The following RTTN variants were observed in gnomAD, a reference collection of about 807,000 sequenced individuals.
RTTN encodes rotatin.
In RTTN, 182 loss-of-function variants were observed where a neutral mutation model predicts 269.2. The observed-to-expected ratio is 0.68, with a 90% CI of 0.60 to 0.76. The LOEUF (loss-of-function observed/expected upper bound fraction) is 0.76. Ranked by LOEUF, RTTN falls within the 30% of genes least tolerant of loss-of-function variation. The pLI, the probability that RTTN is intolerant of heterozygous loss-of-function variation, is 0.00. For synonymous variants in RTTN, 1,006 were observed against 963.5 expected (o/e 1.04, Z -0.82); for missense variants, 2,545 against 2,608.6 (o/e 0.98, Z 0.53).
intron 19 of RTTN, 86 bp from the exon 20 acceptor site, chr18:70,140,274 A>G (rs2060223845): frequency 1.4e-6 from 1 of 724,614 alleles, no homozygotes; most frequent in Non-Finnish European, 2.4e-6. Flanking sequence ...ACTGATATCC[A>G]CACAACCTTC....
At chr18:70,139,042 T>C (rs2060193760) in intron 21 of RTTN, 2 of 149,732 alleles carry the variant, frequency 1.3e-5, no homozygotes, top group Admixed American at 6.7e-5. Context: ...CAAAACTACA[T>C]GAAACGTGTT....
Position 70,004,052 on chromosome 18 carries a change from G to A in RTTN, c.*99C>T, listed in dbSNP as rs2056104638. 2 of 820,042 alleles carry A rather than the reference G, an allele frequency of 2.4e-6. No homozygotes were observed. The highest frequency in any genetic ancestry group is 1.7e-5 in the African/African-American group (1 of 59,236). 50.8% of individuals were successfully genotyped at this position (820,042 alleles called of 1,614,324 possible). A position where few individuals can be genotyped will look rare whatever the true frequency, so the allele number is the denominator to read the frequency against. On this transcript the variant is annotated 3_prime_UTR_variant, in exon 49 of 49. Transcript: ENST00000640769. ...AAGGGGATCAACACTTTGTAGAGAG[G>A]TAGCACGTCTTCAGGTAACAGCTGC...
chr18:70,126,511 T>G (rs1237810335), intron 25 of RTTN, among the ~76,000 whole-genome samples: 4 of 152,130 alleles, frequency 2.6e-5, no homozygotes, highest in Non-Finnish European at 4.4e-5. Flanking sequence ...AGATGCACAG[T>G]GGTACTCCAT....
At position 70,092,225 on chromosome 18, in the gene RTTN, A is replaced by AG; in HGVS notation, c.4033-6dup. 6.7e-7 allele frequency: 1 copy of AG among 1,492,624 alleles called. No individual in the cohort carries two copies. The highest frequency in any genetic ancestry group is 9.3e-7 in the Non-Finnish European group (1 of 1,071,500). The allele number at this position is 1,492,624 out of a possible 1,614,324, so 92.5% of individuals were successfully genotyped here. On this transcript the variant is annotated splice_region_variant and splice_polypyrimidine_tract_variant and intron_variant, in intron 29 of 48. Coordinates refer to ENST00000640769, the MANE Select transcript of RTTN (RefSeq NM_173630.4). Reference sequence around the variant, plus strand: ...GAACCAAAGTGACATCCACTCCTAGAGGGAAAAAAGGGAAACAGAAATATT... The same window carrying AG: ...GAACCAAAGTGACATCCACTCCTAGAGGGGAAAAAAGGGAAACAGAAATATT...
intron 32 of RTTN, among the ~76,000 whole-genome samples, chr18:70,084,444 C>T (rs573003780): frequency 6.6e-6 from 1 of 152,072 alleles, no homozygotes; most frequent in South Asian, 2.1e-4. Flanking sequence ...TTCATGGTTG[C>T]AAAGGACCAT....
At chr18:70,099,885 G>A (rs2059111737) in intron 28 of RTTN, among the ~76,000 whole-genome samples, 1 of 152,126 alleles carries the variant, frequency 6.6e-6, no homozygotes, top group South Asian at 2.1e-4. Flanking sequence ...AAGATCAGAT[G>A]GTTGTAGATG....
At chr18:70,041,558 G>A (rs1482815839) in intron 40 of RTTN, among the ~76,000 whole-genome samples, 1 of 152,124 alleles carries the variant, frequency 6.6e-6, no homozygotes, top group Non-Finnish European at 1.5e-5. Context: ...ATCCCTGGAC[G>A]TGAGGATGAA....
At chr18:70,035,688 C>G (rs150922511) in intron 40 of RTTN, among the ~76,000 whole-genome samples, 2 of 152,214 alleles carry the variant, frequency 1.3e-5, no homozygotes, top group Admixed American at 1.3e-4. Context: ...GCAACTGCAA[C>G]AAAAGCAAAA....
chr18:70,051,307 G>C, intron 39 of RTTN, 104 bp downstream of exon 39: 1 of 1,307,342 alleles, frequency 7.6e-7, no homozygotes, highest in East Asian at 2.5e-5. Flanking sequence ...TATATGCCAT[G>C]CTATAATTAC....
At chr18:70,154,787 C>T (rs891557192) in intron 14 of RTTN, among the ~76,000 whole-genome samples, 3 of 152,126 alleles carry the variant, frequency 2.0e-5, no homozygotes, top group South Asian at 2.1e-4. Context: ...CTTGATTGAT[C>T]GCAAGGTTCA....
At chr18:70,118,894 AATAAAAACT>A (rs2059664271) in intron 26 of RTTN, among the ~76,000 whole-genome samples, 3 of 152,110 alleles carry the variant, frequency 2.0e-5, no homozygotes, top group Non-Finnish European at 4.4e-5. Context: ...ATCCTTTCAT[AATAAAAACT>A]CTCAATAAAT....
chr18:70,169,123 T>C (rs2061069214), intron 11 of RTTN, 56 bp from the exon 12 acceptor site: 1 of 1,289,968 alleles, frequency 7.8e-7, no homozygotes, highest in Admixed American at 2.6e-5. Context: ...AAACTTATTT[T>C]AGAGAAACAT....
chr18:70,037,200 C>CA (rs1033534278), intron 40 of RTTN, among the ~76,000 whole-genome samples: 2 of 152,218 alleles, frequency 1.3e-5, no homozygotes, highest in African/African-American at 4.8e-5. Context: ...GTCTTGGACA[C>CA]AAGGCCTGCA....
chr18:70,060,063 A>G (rs2057934558), intron 35 of RTTN, 21 bp from the exon 36 acceptor site: 3 of 1,570,496 alleles, frequency 1.9e-6, no homozygotes, highest in Admixed American at 1.8e-5. Flanking sequence ...AAATAAACAT[A>G]AGAATTATTA....
chr18:70,109,588 A>C lies in RTTN; in HGVS notation c.3813T>G (p.Ala1271=). 1 of 1,614,054 alleles carries C rather than the reference A, an allele frequency of 6.2e-7. No homozygotes were observed. The highest frequency in any genetic ancestry group is 8.5e-7 in the Non-Finnish European group (1 of 1,180,036). ...PSLERTLRGM[A]NLTAFPGWSS... ...TCCATCCCGGAAACGCAGTGAGGTT[A>C]GCCATCCCTCGTAAGGTCCGCTCAA... Residue 1271 remains alanine (A), a synonymous_variant, in exon 28 of 49, where the codon GCT becomes GCG. Coordinates refer to ENST00000640769, the MANE Select transcript of RTTN (RefSeq NM_173630.4).
In RTTN at chr18:70,003,223, G is replaced by A. The variant is rs1323906762; in HGVS notation, c.*928C>T. 1 of 151,904 alleles carries A rather than the reference G, an allele frequency of 6.6e-6. No individual in the cohort carries two copies. Among genetic ancestry groups the A allele is most frequent in the African/African-American group, 2.4e-5 (1 of 41,314 alleles). 9.4% of individuals were successfully genotyped at this position (151,904 alleles called of 1,614,324 possible). A position where few individuals can be genotyped will look rare whatever the true frequency, so the allele number is the denominator to read the frequency against. On this transcript the variant is annotated 3_prime_UTR_variant, in exon 49 of 49. Coordinates refer to ENST00000640769, the MANE Select transcript of RTTN (RefSeq NM_173630.4). ...ATGGCTAATTTTTGTATTTTTAGGAGAGATGGGATTTCACCAAGTTGCCCA... is the reference window on the plus strand; with the variant it reads ...ATGGCTAATTTTTGTATTTTTAGGAAAGATGGGATTTCACCAAGTTGCCCA...
At chr18:70,150,587 C>A in intron 15 of RTTN, 21 bp downstream of exon 15, 12 of 1,607,598 alleles carry the variant, frequency 7.5e-6, no homozygotes, top group Non-Finnish European at 1.0e-5. Context: ...GTAATATTTT[C>A]ACTCATGTTT....
At chr18:70,021,042 T>C in intron 44 of RTTN, 1 of 402,172 alleles carries the variant, frequency 2.5e-6, no homozygotes, top group Non-Finnish European at 4.4e-6. Context: ...GACACCAGGT[T>C]TATTTTTAAA....
In RTTN at chr18:70,065,875, T is replaced by A. The variant is rs1211515321; in HGVS notation, c.4701A>T (p.Ser1567=). ...GGGAGGCTTCAGGTAGAAGTGTTGT[T>A]GACTGCACAAGTGGCTGAAATTCAG... is the stretch of plus-strand genomic sequence containing the variant. ...GSTEFQPLVQ[S]TTLLPEASHD... Residue 1567 remains serine, a synonymous_variant, in exon 35 of 49, where the codon TCA becomes TCT. Coordinates refer to ENST00000640769, the MANE Select transcript of RTTN (RefSeq NM_173630.4). 6.2e-7 allele frequency: 1 copy of A among 1,602,976 alleles called. No homozygotes were observed. The highest frequency in any genetic ancestry group is 1.7e-5 in the Admixed American group (1 of 58,928).
Sources: gnomAD v4.1 joint callset for allele counts (sites outside exome capture counted in the v4.1 genomes callset) on GRCh38, gnomAD v4.1.1 for gene constraint, MANE v1.5 for transcripts, NCBI Gene and HGNC (gene_info 2026-07-23, HGNC 2026-07-21) for gene names.